DEPTOR: variants seen among roughly 807,000 people sequenced by gnomAD.
DEPTOR encodes the protein DEP domain-containing mTOR-interacting protein.
In DEPTOR, 41 loss-of-function variants were observed where a neutral mutation model predicts 41.6. The ratio of observed to expected loss-of-function variants is 0.98; its 90% CI spans 0.77 to 1.28. DEPTOR has a LOEUF of 1.28. Among genes scored for constraint, DEPTOR ranks in the 50% most tolerant of loss-of-function variants. The pLI, the probability that DEPTOR is intolerant of heterozygous loss-of-function variation, is 0.00. For missense variants in DEPTOR, 514 were observed against 527.9 expected, an observed-to-expected ratio of 0.97 and a Z score of 0.26; for synonymous variants, 195 against 192.3, an observed-to-expected ratio of 1.01 and a Z score of -0.12.
chr8:119,873,991 T>C, intron 1 of DEPTOR, 23 bp downstream of exon 1: 1 of 1,612,528 alleles, frequency 6.2e-7, no homozygotes, highest in Non-Finnish European at 8.5e-7. Flanking sequence ...ACACAGCGGG[T>C]GAGCTCACGA....
At chr8:119,882,047 C>T (rs1048514782) in intron 1 of DEPTOR, among the ~76,000 whole-genome samples, 4 of 152,130 alleles carry the variant, frequency 2.6e-5, no homozygotes, top group Non-Finnish European at 5.9e-5. Context: ...AGCGCCACCA[C>T]GCCCGGCTAA....
At chr8:120,026,137 C>T (rs1321761146) in intron 8 of DEPTOR, among the ~76,000 whole-genome samples, 1 of 151,756 alleles carries the variant, frequency 6.6e-6, no homozygotes, top group East Asian at 2.0e-4. Context: ...CAGGCATGCA[C>T]CACCATGTCC....
intron 8 of DEPTOR, among the ~76,000 whole-genome samples, chr8:120,020,201 C>T (rs1812678538): frequency 2.0e-5 from 3 of 152,180 alleles, no homozygotes; most frequent in Admixed American, 2.0e-4. Flanking sequence ...GATCTTCCTT[C>T]CTCAGCCTCT....
At chr8:119,889,669 G>GGT (rs1827426004) in intron 1 of DEPTOR, among the ~76,000 whole-genome samples, 1 of 118,904 alleles carries the variant, frequency 8.4e-6, no homozygotes, top group Non-Finnish European at 1.8e-5. Context: ...GGGAGGGGAG[G>GGT]GGAGAGGAGG....
intron 8 of DEPTOR, among the ~76,000 whole-genome samples, chr8:120,012,320 G>A (rs10087551): frequency 0.3 from 45,220 of 151,892 alleles, 6,997 homozygotes; most frequent in South Asian, 0.45. Flanking sequence ...ACAAACCTGG[G>A]TGGTATAGCC....
chr8:119,944,657 C>CTTT (rs11428615), intron 3 of DEPTOR, among the ~76,000 whole-genome samples: 29 of 136,972 alleles, frequency 2.1e-4, no homozygotes, highest in African/African-American at 2.7e-4. Flanking sequence ...TCTTTCTTTT[C>CTTT]TTTTTTTTTT....
intron 4 of DEPTOR, among the ~76,000 whole-genome samples, chr8:119,998,039 G>A (rs1365723189): frequency 6.6e-6 from 1 of 152,084 alleles, no homozygotes; most frequent in African/African-American, 2.4e-5. Context: ...AAAAGTACCT[G>A]GTATATAGTC....
Position 120,049,578 on chromosome 8 carries a change from C to T in DEPTOR, c.1104C>T (p.Val368=), listed in dbSNP as rs1361684463. The T allele has an allele frequency of 1.2e-6, 2 of 1,613,124 alleles. No homozygotes were observed. Among genetic ancestry groups the T allele is most frequent in the Admixed American group, 1.7e-5 (1 of 59,916 alleles). The stretch of plus-strand genomic sequence containing the variant: ...CTTTCTTTGCATCTTTCCTTTAGGT[C>T]TGTCAGTTTGTCGTCTCTGTCAACG... ...SGPAAAAGMK[V]CQFVVSVNGL... is the part of the protein sequence containing the mutation. The change falls in exon 9 of 9, where the codon GTC becomes GTT. Residue 368 remains valine, a splice_region_variant and synonymous_variant. Transcript: ENST00000286234.
intron 1 of DEPTOR, among the ~76,000 whole-genome samples, chr8:119,880,804 T>G (rs1362460604): frequency 6.6e-6 from 1 of 152,242 alleles, no homozygotes; most frequent in East Asian, 1.9e-4. Context: ...CAGTTCTATT[T>G]TGCCATCTGT....
intron 1 of DEPTOR, among the ~76,000 whole-genome samples, chr8:119,927,001 T>A (rs1827971935): frequency 6.6e-6 from 1 of 152,210 alleles, no homozygotes; most frequent in Admixed American, 6.5e-5. Flanking sequence ...CATATCAGGC[T>A]TTTGCTCAAA....
chr8:120,013,315 C>T (rs1450295395), intron 8 of DEPTOR, among the ~76,000 whole-genome samples: 1 of 152,090 alleles, frequency 6.6e-6, no homozygotes, highest in Non-Finnish European at 1.5e-5. Context: ...CATGTCCTTC[C>T]GTATAGTTTA....
In DEPTOR at chr8:119,972,160, T is replaced by C. The variant is rs78189674; in HGVS notation, c.604+6750T>C. Reference sequence around the variant, plus strand: ...CTTTTAACACAGCATCTACCTCTTATGGCCCTCAAATGCTAGCTCTTGTAC... The same window carrying C: ...CTTTTAACACAGCATCTACCTCTTACGGCCCTCAAATGCTAGCTCTTGTAC... On this transcript the variant is annotated intron_variant, in intron 4 of 8. Transcript: ENST00000286234. 8.7e-3 allele frequency among the ~76,000 whole-genome samples: 1,321 copies of C among 152,348 alleles called. 26 individuals are homozygous for C. The highest frequency in any genetic ancestry group is 0.031 in the African/African-American group (1,271 of 41,572).
intron 1 of DEPTOR, among the ~76,000 whole-genome samples, chr8:119,903,622 A>T (rs12681402): frequency 0.5 from 75,697 of 152,024 alleles, 20,571 homozygotes; most frequent in East Asian, 0.92. Flanking sequence ...ATCAGGGATG[A>T]GAACTGACAG....
In DEPTOR at chr8:120,023,802, T is replaced by TG. The variant is rs1308488540; in HGVS notation, c.1101+14669_1101+14670insG. Among the ~76,000 whole-genome samples the TG allele has an allele frequency of 2.7e-5, 4 of 149,646 alleles. No homozygotes were observed. In the Admixed American group the frequency reaches 2.7e-4, roughly 10 times the overall value. ...CCATGGTTTCAGTCACCTATTTTGT[T>TG]TTTTTTTTTTTACTTTGCTTGGCTT... On this transcript the variant is annotated intron_variant, in intron 8 of 8. Transcript: ENST00000286234.
At chr8:119,891,797 G>C (rs1230498936) in intron 1 of DEPTOR, among the ~76,000 whole-genome samples, 1 of 152,110 alleles carries the variant, frequency 6.6e-6, no homozygotes, top group Non-Finnish European at 1.5e-5. Flanking sequence ...GAGAGTCCCA[G>C]CCAAAGCTGT....
chr8:119,997,122 A>C (rs1344164108), intron 4 of DEPTOR, among the ~76,000 whole-genome samples: 1 of 152,052 alleles, frequency 6.6e-6, no homozygotes, highest in South Asian at 2.1e-4. Flanking sequence ...TTTATATTTT[A>C]TTTTTTGAGA....
chr8:119,909,604 A>G (rs1471860644), intron 1 of DEPTOR, among the ~76,000 whole-genome samples: 3 of 152,246 alleles, frequency 2.0e-5, no homozygotes, highest in Admixed American at 6.5e-5. Flanking sequence ...AATGTAAACA[A>G]TTGCAAACCA....
intron 8 of DEPTOR, among the ~76,000 whole-genome samples, chr8:120,030,292 G>A (rs1337293326): frequency 6.6e-6 from 1 of 151,808 alleles, no homozygotes; most frequent in African/African-American, 2.4e-5. Flanking sequence ...CTGATATTGT[G>A]GAAATAGGAT....
At chr8:119,979,558 T>C (rs1036027386) in intron 4 of DEPTOR, among the ~76,000 whole-genome samples, 2 of 152,190 alleles carry the variant, frequency 1.3e-5, no homozygotes, top group African/African-American at 4.8e-5. Flanking sequence ...CTACTGCACC[T>C]GGCCCAGCTT....
Sources: gnomAD v4.1 joint callset for allele counts (sites outside exome capture counted in the v4.1 genomes callset) on GRCh38, gnomAD v4.1.1 for gene constraint, MANE v1.5 for transcripts, NCBI Gene and HGNC (gene_info 2026-07-23, HGNC 2026-07-21) for gene names.